The following LRRC4C variants were observed in gnomAD, a reference collection of about 807,000 sequenced individuals.
The protein encoded by LRRC4C is leucine rich repeat containing 4C, also known as leucine-rich repeat-containing protein 4C.
LRRC4C carries 5 observed loss-of-function variants against 33.6 expected under a neutral mutation model. That is an observed-to-expected ratio of 0.15 (90% confidence interval 0.08 to 0.31). The LOEUF (loss-of-function observed/expected upper bound fraction) is 0.31, where lower values mean the gene tolerates loss of function less well. Ranked by LOEUF, LRRC4C falls within the 10% of genes least tolerant of loss-of-function variation. The probability of loss-of-function intolerance (pLI) is 1.00; values close to 1 mark genes in which losing one functional copy is unlikely to be tolerated. For synonymous variants in LRRC4C, 329 were observed against 302.0 expected (o/e 1.09, Z -0.93); for missense variants, 560 against 796.7 (o/e 0.70, Z 3.58).
chr11:40,946,499 A>G (rs1958407813), intron 1 of LRRC4C, among the ~76,000 whole-genome samples: 1 of 152,156 alleles, frequency 6.6e-6, no homozygotes, highest in Non-Finnish European at 1.5e-5. Flanking sequence ...AAGTTCTTTG[A>G]GAAGTCTCTA....
chr11:40,570,057 T>G (rs1957920917), intron 3 of LRRC4C, among the ~76,000 whole-genome samples: 1 of 151,818 alleles, frequency 6.6e-6, no homozygotes, highest in Admixed American at 6.6e-5. Flanking sequence ...ATGCACATAT[T>G]ATATATATGA....
At chr11:40,381,849 C>A (rs1388739232) in intron 3 of LRRC4C, among the ~76,000 whole-genome samples, 1 of 150,900 alleles carries the variant, frequency 6.6e-6, no homozygotes, top group Non-Finnish European at 1.5e-5. Context: ...ATGAATTATT[C>A]ATTGTGTAAA....
At chr11:40,799,565 G>T (rs1950960210) in intron 2 of LRRC4C, among the ~76,000 whole-genome samples, 1 of 152,132 alleles carries the variant, frequency 6.6e-6, no homozygotes, top group Non-Finnish European at 1.5e-5. Context: ...TGCCTCCTGG[G>T]CTCAGGTGAA....
intron 2 of LRRC4C, among the ~76,000 whole-genome samples, chr11:40,849,084 T>C (rs117822009): frequency 0.031 from 4,760 of 152,166 alleles, 124 homozygotes; most frequent in Admixed American, 0.084. Context: ...CATATGGTTC[T>C]TGACTATCCA....
chr11:40,439,418 G>A (rs1021241721), intron 3 of LRRC4C, among the ~76,000 whole-genome samples: 21 of 151,068 alleles, frequency 1.4e-4, no homozygotes, highest in South Asian at 4.2e-4. Flanking sequence ...TTCCTATTAC[G>A]AGTAATAGGT....
At chr11:40,899,842 G>C (rs1316566151) in intron 2 of LRRC4C, among the ~76,000 whole-genome samples, 1 of 152,136 alleles carries the variant, frequency 6.6e-6, no homozygotes, top group Non-Finnish European at 1.5e-5. Flanking sequence ...TATTGGTAAT[G>C]TTTGATCATT....
chr11:40,424,799 C>G (rs1950652699), intron 3 of LRRC4C, among the ~76,000 whole-genome samples: 1 of 152,176 alleles, frequency 6.6e-6, no homozygotes, highest in African/African-American at 2.4e-5. Context: ...ATAATTCACT[C>G]CAAACTTTTA....
At chr11:40,491,346 A>G in intron 3 of LRRC4C, among the ~76,000 whole-genome samples, 1 of 151,924 alleles carries the variant, frequency 6.6e-6, no homozygotes, top group East Asian at 1.9e-4. Context: ...CTGTGTAACA[A>G]CAAATTTAGC....
chr11:40,400,567 C>T (rs888477591), intron 3 of LRRC4C, among the ~76,000 whole-genome samples: 3 of 152,050 alleles, frequency 2.0e-5, no homozygotes, highest in African/African-American at 7.2e-5. Context: ...AAGTTAATTT[C>T]ACATTTGGGA....
rs568808260 is a variant in LRRC4C, at chr11:40,467,322, T to TA, written c.-269-147602dup. Among the ~76,000 whole-genome samples the TA allele has an allele frequency of 1.6e-3, 242 of 152,232 alleles. 1 individual carries two copies. The highest frequency in any genetic ancestry group is 4.6e-3 in the Admixed American group (70 of 15,272). On this transcript the variant is annotated intron_variant, in intron 3 of 6. Transcript: ENST00000528697. ...TCTGTGTGAGACTAATTTCTTTTTT[T>TA]AAAAAAATCATCATTATTACTTTGA...
chr11:41,216,744 A>G (rs1947079097), intron 1 of LRRC4C, among the ~76,000 whole-genome samples: 1 of 152,216 alleles, frequency 6.6e-6, no homozygotes, highest in Non-Finnish European at 1.5e-5. Context: ...TAGTGTGAAA[A>G]ATATAATACA....
At chr11:41,011,822 A>ATATATTATATTATAT (rs55785708) in intron 1 of LRRC4C, among the ~76,000 whole-genome samples, 46,687 of 141,446 alleles carry the variant, frequency 0.33, 8,463 homozygotes, top group South Asian at 0.48. Context: ...ATTCTATGTT[A>ATATATTATATTATAT]TATATTATAT....
At chr11:40,692,995 T>C (rs1945296982) in intron 2 of LRRC4C, among the ~76,000 whole-genome samples, 2 of 152,078 alleles carry the variant, frequency 1.3e-5, no homozygotes, top group Admixed American at 1.3e-4. Flanking sequence ...ATGAGATTAA[T>C]ACAGAAAGTA....
intron 3 of LRRC4C, among the ~76,000 whole-genome samples, chr11:40,568,622 T>C (rs1957857184): frequency 6.6e-6 from 1 of 152,166 alleles, no homozygotes. Context: ...ACTTGATTGA[T>C]ATGAGCAGAA....
At chr11:40,503,529 A>G (rs1372075022) in intron 3 of LRRC4C, among the ~76,000 whole-genome samples, 1 of 152,186 alleles carries the variant, frequency 6.6e-6, no homozygotes, top group Non-Finnish European at 1.5e-5. Flanking sequence ...GCACATTCTT[A>G]GATATTAAAA....
chr11:40,522,753 C>T (rs986897055), intron 3 of LRRC4C, among the ~76,000 whole-genome samples: 11 of 152,254 alleles, frequency 7.2e-5, no homozygotes, highest in African/African-American at 2.2e-4. Flanking sequence ...TTTCTGTCTT[C>T]ACATATTTGA....
At chr11:40,859,183 C>T (rs937647138) in intron 2 of LRRC4C, among the ~76,000 whole-genome samples, 4 of 152,098 alleles carry the variant, frequency 2.6e-5, no homozygotes, top group African/African-American at 9.7e-5. Context: ...TTAAGAGAAT[C>T]GTGGACTAAG....
chr11:41,303,117 C>G (rs1950332978), intron 1 of LRRC4C, among the ~76,000 whole-genome samples: 1 of 132,430 alleles, frequency 7.6e-6, no homozygotes, highest in South Asian at 2.7e-4. Flanking sequence ...CTCTCCCTCT[C>G]CCTCACCCCA....
chr11:40,418,844 C>A (rs543536915), intron 3 of LRRC4C, among the ~76,000 whole-genome samples: 1 of 152,214 alleles, frequency 6.6e-6, no homozygotes, highest in East Asian at 1.9e-4. Context: ...ATTATGGAAG[C>A]CATTATCTTC....
Sources: gnomAD v4.1 joint callset for allele counts (sites outside exome capture counted in the v4.1 genomes callset) on GRCh38, gnomAD v4.1.1 for gene constraint, MANE v1.5 for transcripts, NCBI Gene and HGNC (gene_info 2026-07-23, HGNC 2026-07-21) for gene names.